KIAA1210: variants seen among roughly 807,000 people sequenced by gnomAD.
KIAA1210 encodes the protein KIAA1210.
KIAA1210 carries 48 observed loss-of-function variants against 78.9 expected under a neutral mutation model. The ratio of observed to expected loss-of-function variants is 0.61; its 90% confidence interval spans 0.48 to 0.77. The LOEUF (loss-of-function observed/expected upper bound fraction) is 0.77, where lower values mean the gene tolerates loss of function less well. KIAA1210 is among the 30% of genes least tolerant of loss of function. KIAA1210 has a pLI of 0.00. For synonymous variants in KIAA1210, 406 were observed against 404.5 expected (o/e 1.00, Z -0.04); for missense variants, 1,108 against 1,100.0 (o/e 1.01, Z -0.10).
At chrX:119,129,867 T>C (rs1227447096), upstream of KIAA1210, among the ~76,000 whole-genome samples, 2 of 111,950 alleles carry the variant, frequency 1.8e-5, no homozygotes, top group Non-Finnish European at 3.8e-5. Flanking sequence ...CACAAGCTGA[T>C]CTTATTAAAT....
In KIAA1210 at chrX:119,122,061, A is replaced by ATTTTT. The variant is rs781688572; in HGVS notation, c.61+1516_61+1520dup. Among the ~76,000 whole-genome samples the ATTTTT allele has an allele frequency of 2.1e-3, 120 of 56,463 alleles. 5 individuals are homozygous for ATTTTT. Among genetic ancestry groups the ATTTTT allele is most frequent in the African/African-American group, 2.1e-3 (29 of 13,521 alleles). 49.0% of individuals were successfully genotyped at this position (56,463 alleles called of 115,157 possible). On this transcript the variant is annotated intron_variant, in intron 2 of 11. Coordinates refer to ENST00000691062, the MANE Select transcript of KIAA1210 (RefSeq NM_001394962.1). ...ACAGGCGTGAGCCAGCGCGCCCGGCATTTTTTTTTTTTTTTTTTTTTTGAG... is the reference window on the plus strand; with the variant it reads ...ACAGGCGTGAGCCAGCGCGCCCGGCATTTTTTTTTTTTTTTTTTTTTTTTTTTGAG...
chrX:119,137,837 A>G (rs147953631), intron 2 of KIAA1210, among the ~76,000 whole-genome samples: 88 of 112,147 alleles, frequency 7.8e-4, no homozygotes, highest in African/African-American at 2.8e-3. Flanking sequence ...AGGCCCCAAG[A>G]GTTGTGGAAC....
At chrX:119,117,389 G>GTGA (rs373184458) in intron 2 of KIAA1210, among the ~76,000 whole-genome samples, 4,991 of 110,791 alleles carry the variant, frequency 0.045, 217 homozygotes, top group African/African-American at 0.13. Flanking sequence ...GTGTGTGTGT[G>GTGA]TGATGATGAT....
intron 9 of KIAA1210, 70 bp from the exon 10 acceptor site, chrX:119,085,616 C>A: frequency 1.0e-6 from 1 of 968,251 alleles, no homozygotes; most frequent in Non-Finnish European, 1.4e-6. Flanking sequence ...TTGGGGCTTA[C>A]CCACAATAAT....
Position 119,113,405 on chromosome X carries a change from A to G in KIAA1210, c.230+3091T>C, listed in dbSNP as rs776062412. Among the ~76,000 whole-genome samples, 28 of 112,057 alleles carry G rather than the reference A, an allele frequency of 2.5e-4. No homozygotes were observed. The South Asian group carries it at 5.6e-3, about 22-fold the overall frequency. On this transcript the variant is annotated intron_variant, in intron 3 of 11. Transcript: ENST00000691062. ...AGTTCTTGATGCATGATTTTAAATA[A>G]ATGACCCTTGAAAACATAGTAAGTG...
intron 1 of KIAA1210, among the ~76,000 whole-genome samples, chrX:119,125,399 C>T (rs955219245): frequency 3.6e-5 from 4 of 109,638 alleles, no homozygotes; most frequent in African/African-American, 1.3e-4. Flanking sequence ...AATATACATA[C>T]AAGAATGTGT....
In KIAA1210 at chrX:119,083,940, A is replaced by C. The variant is rs1289662055; in HGVS notation, c.4321-820T>G. ...TTTGAGCCTGGGAGGTTGACACTAC[A>C]GTGAGCTGTGATTGCACCACTGCAC... On this transcript the variant is annotated intron_variant, in intron 10 of 11. Coordinates refer to ENST00000691062, the MANE Select transcript of KIAA1210 (RefSeq NM_001394962.1). Among the ~76,000 whole-genome samples, 3 of 94,846 alleles carry C rather than the reference A, an allele frequency of 3.2e-5. No individual in the cohort carries two copies. The East Asian group carries it at 1.1e-3, about 34-fold the overall frequency. The allele number at this position is 94,846 out of a possible 115,157, so 82.4% of individuals were successfully genotyped here. A position where few individuals can be genotyped will look rare whatever the true frequency, so the allele number is the denominator to read the frequency against.
intron 2 of KIAA1210, among the ~76,000 whole-genome samples, chrX:119,139,311 C>G (rs1396595794): frequency 9.0e-6 from 1 of 111,517 alleles, no homozygotes; most frequent in East Asian, 2.8e-4. Flanking sequence ...AATTGGGAAG[C>G]CATAAGAAAT....
rs922010905 is a variant in KIAA1210 at position 119,089,722 on chromosome X, T to C, written c.980A>G (p.Asn327Ser). ...SADSSSQKQN[N>S]KTEMYDKKTT... ...CTTCTTATCATACATCTCAGTTTTG[T>C]TGTTCTGTTTCTGGCTTGAGGAATC... Residue 327 changes from asparagine (N) to serine (S), a missense_variant, in exon 9 of 12, where the codon AAC becomes AGC. By Grantham distance (46) the Asn-to-Ser change is conservative. Transcript: ENST00000691062. 38 of 1,204,233 alleles carry C rather than the reference T, an allele frequency of 3.2e-5. No individual in the cohort carries two copies. The highest frequency in any genetic ancestry group is 5.3e-5 in the African/African-American group (3 of 56,821).
intron 2 of KIAA1210, among the ~76,000 whole-genome samples, chrX:119,119,995 AG>A (rs1208777701): frequency 3.2e-5 from 2 of 62,457 alleles, no homozygotes; most frequent in Non-Finnish European, 8.4e-5. Flanking sequence ...AAAAAAAAAA[AG>A]AAAGAAAGAA....
rs1196560643 is a variant in KIAA1210, at chrX:119,088,065, G to A, written c.2637C>T (p.Ser879=). ...YVEPLPPRCL[S]QPSERPKFLD... The stretch of plus-strand genomic sequence containing the variant: ...GGAACTTAGGCCTCTCCGAGGGCTG[G>A]GAAAGGCATCTGGGAGGCAGCGGTT... Residue 879 remains serine (S), a synonymous_variant, in exon 9 of 12, where the codon TCC becomes TCT. Coordinates refer to ENST00000691062, the MANE Select transcript of KIAA1210 (RefSeq NM_001394962.1). 2 of 1,209,452 alleles carry A rather than the reference G, an allele frequency of 1.7e-6. No individual in the cohort carries two copies. Among genetic ancestry groups the A allele is most frequent in the African/African-American group, 1.8e-5 (1 of 57,051 alleles).
chrX:119,130,132 T>C (rs1928755668), upstream of KIAA1210, among the ~76,000 whole-genome samples: 1 of 111,818 alleles, frequency 8.9e-6, no homozygotes, highest in Admixed American at 9.5e-5. Context: ...CGCTTAAACT[T>C]GTCCACCAGC....
At chrX:119,116,334 C>G (rs1433077289) in intron 3 of KIAA1210, among the ~76,000 whole-genome samples, 162 bp downstream of exon 3, 1 of 111,907 alleles carries the variant, frequency 8.9e-6, no homozygotes, top group Non-Finnish European at 1.9e-5. Flanking sequence ...AAAGCACCAC[C>G]CCCCTCCCCC....
At position 119,111,926 on chromosome X, in the gene KIAA1210, A is replaced by G. The variant is rs1236082192; in HGVS notation, c.231-2724T>C. ...AGAAAAAATAAATAGATAAATAGTGATATGGTTTGGCTCTGTGTCCCCACC... is the reference window on the plus strand; with the variant it reads ...AGAAAAAATAAATAGATAAATAGTGGTATGGTTTGGCTCTGTGTCCCCACC... On this transcript the variant is annotated intron_variant, in intron 3 of 11. Coordinates refer to ENST00000691062, the MANE Select transcript of KIAA1210 (RefSeq NM_001394962.1). Among the ~76,000 whole-genome samples, 5 of 111,303 alleles carry G rather than the reference A, an allele frequency of 4.5e-5. No individual in the cohort carries two copies. In the Admixed American group the frequency reaches 4.8e-4, roughly 11 times the overall value.
At chrX:119,082,557 C>T (rs973064655) in intron 11 of KIAA1210, among the ~76,000 whole-genome samples, 1 of 112,490 alleles carries the variant, frequency 8.9e-6, no homozygotes, top group African/African-American at 3.2e-5. Flanking sequence ...CATCCCTGCT[C>T]AGAATACAGA....
chrX:119,093,571 G>GTCTTGGGTAGT, intron 8 of KIAA1210, 96 bp downstream of exon 8: 1 of 562,351 alleles, frequency 1.8e-6, no homozygotes, highest in Non-Finnish European at 2.7e-6. Flanking sequence ...AAGGGCAGCA[G>GTCTTGGGTAGT]TCTTGGGTAG....
chrX:119,086,779 G>A lies in KIAA1210; in HGVS notation c.3923C>T (p.Pro1308Leu), dbSNP rs371088493. Reference protein sequence around the residue: ...KLFGVRLKRAPPSQKYKSEKQ... With the variant: ...KLFGVRLKRALPSQKYKSEKQ... ...CTCACTCTTATACTTCTGCGAGGGA[G>A]GGGCTCTTTTCAGTCGAACTCCAAA... Residue 1308 changes from proline to leucine, a missense_variant, in exon 9 of 12, where the codon CCT (proline) becomes CTT (leucine). By Grantham distance (98) the Pro-to-Leu change is moderately conservative (BLOSUM62 -3). Coordinates refer to ENST00000691062, the MANE Select transcript of KIAA1210 (RefSeq NM_001394962.1). 14 of 1,209,247 alleles carry A rather than the reference G, an allele frequency of 1.2e-5. No homozygotes were observed. The highest frequency in any genetic ancestry group is 1.5e-5 in the Non-Finnish European group (13 of 894,939).
At position 119,081,434 on chromosome X, in the gene KIAA1210, G is replaced by A. The variant is rs1926961979; in HGVS notation, c.4497C>T (p.Leu1499=). 1 of 1,210,594 alleles carries A rather than the reference G, an allele frequency of 8.3e-7. No individual in the cohort carries two copies. The highest frequency in any genetic ancestry group is 1.7e-5 in the African/African-American group (1 of 57,626). The change falls in exon 12 of 12, where the codon CTC becomes CTT. Residue 1499 remains leucine, a synonymous_variant. Transcript: ENST00000691062. ...CAACTGGGTTCTGGAACTTGGCTGG[G>A]AGAGTTGAAGATCGTTTGGTTTCTT... ...MEKETKRSST[L]PAKFQNPVEP...
intron 7 of KIAA1210, 115 bp from the exon 8 acceptor site, chrX:119,093,890 G>A (rs1927469683): frequency 5.7e-6 from 5 of 873,710 alleles, no homozygotes; most frequent in Admixed American, 2.5e-5. Flanking sequence ...GCACGTAACA[G>A]TACCTTTAAA....
Sources: allele counts gnomAD v4.1 joint callset (sites outside exome capture counted in the v4.1 genomes callset), GRCh38; gene constraint gnomAD v4.1.1; transcripts MANE v1.5; gene names NCBI Gene and HGNC (gene_info 2026-07-23, HGNC 2026-07-21).